The following FARS2 variants were observed in gnomAD, a reference collection of about 807,000 sequenced individuals.
The protein encoded by FARS2 is phenylalanyl-tRNA synthetase 2, mitochondrial.
FARS2 carries 40 observed loss-of-function variants against 46.4 expected under a neutral mutation model. The ratio of observed to expected loss-of-function variants is 0.86; its 90% CI spans 0.67 to 1.12. FARS2 has a LOEUF of 1.12. Among genes scored for constraint, FARS2 ranks in the 50% most tolerant of loss-of-function variants. The pLI, the probability that FARS2 is intolerant of heterozygous loss-of-function variation, is 0.00. For missense variants in FARS2, 513 were observed against 567.9 expected, an observed-to-expected ratio of 0.90 and a Z score of 0.98; for synonymous variants, 234 against 214.9, an observed-to-expected ratio of 1.09 and a Z score of -0.78.
At chr6:5,762,805 T>C (rs1160782012) in intron 6 of FARS2, among the ~76,000 whole-genome samples, 1 of 152,084 alleles carries the variant, frequency 6.6e-6, no homozygotes, top group African/African-American at 2.4e-5. Flanking sequence ...TGTGACTGAC[T>C]CTGAGGAACA....
intron 6 of FARS2, among the ~76,000 whole-genome samples, chr6:5,768,587 G>A (rs752145143): frequency 1.3e-5 from 2 of 152,276 alleles, no homozygotes; most frequent in Non-Finnish European, 2.9e-5. Flanking sequence ...AATTTGCAGA[G>A]TCCTGTCAAT....
chr6:5,290,998 G>A, intron 1 of FARS2: 1 of 152,264 alleles, frequency 6.6e-6, no homozygotes, highest in East Asian at 1.9e-4. Flanking sequence ...GGGATTACAG[G>A]TGTGAGCCAC....
At chr6:5,336,574 AG>A (rs1293882691) in intron 1 of FARS2, among the ~76,000 whole-genome samples, 2 of 152,172 alleles carry the variant, frequency 1.3e-5, no homozygotes, top group African/African-American at 4.8e-5. Flanking sequence ...GTTTTGATAC[AG>A]GCATGCAATG....
rs114783029 is a variant in FARS2, at chr6:5,683,794, C to T, written c.1217+70474C>T. On this transcript the variant is annotated intron_variant, in intron 6 of 6. Transcript: ENST00000274680. ...TTGCCCTCTACCTCTCGACAGGCCC[C>T]GGTATGTGATGTTCCCCTTCCTGTG... 6.9e-3 allele frequency among the ~76,000 whole-genome samples: 1,057 copies of T among 152,098 alleles called. 11 individuals are homozygous for T. The highest frequency in any genetic ancestry group is 0.025 in the African/African-American group (1,017 of 41,448).
intron 3 of FARS2, among the ~76,000 whole-genome samples, chr6:5,428,050 T>C (rs188250293): frequency 1.4e-4 from 21 of 152,322 alleles, no homozygotes; most frequent in African/African-American, 5.1e-4. Context: ...CTCTAGTGGG[T>C]GTGTGTAAAC....
Position 5,663,324 on chromosome 6 carries a change from A to G in FARS2, c.1217+50004A>G, listed in dbSNP as rs144858757. Among the ~76,000 whole-genome samples, 49 of 152,346 alleles carry G rather than the reference A, an allele frequency of 3.2e-4. 1 individual carries two copies. Among genetic ancestry groups the G allele is most frequent in the African/African-American group, 1.1e-3 (44 of 41,580 alleles). On this transcript the variant is annotated intron_variant, in intron 6 of 6. Coordinates refer to ENST00000274680, the MANE Select transcript of FARS2 (RefSeq NM_006567.5). Reference sequence around the variant, plus strand: ...TCTTTCCTTTTCAGCTGTTTTAAACATTTAGCAGTCAGATCAGATGATTGA... The same window carrying G: ...TCTTTCCTTTTCAGCTGTTTTAAACGTTTAGCAGTCAGATCAGATGATTGA...
chr6:5,662,655 A>G (rs769314941), intron 6 of FARS2, among the ~76,000 whole-genome samples: 4 of 152,208 alleles, frequency 2.6e-5, no homozygotes, highest in Non-Finnish European at 4.4e-5. Context: ...AATTATCAAA[A>G]CTATAATTAT....
At chr6:5,253,640 C>T in the FARS2 span, among the ~76,000 whole-genome samples, 1 of 151,994 alleles carries the variant, frequency 6.6e-6, no homozygotes, top group Non-Finnish European at 1.5e-5. Context: ...GAGACGAGAG[C>T]CTTGAAGATG....
At chr6:5,663,233 C>G (rs769676150) in intron 6 of FARS2, among the ~76,000 whole-genome samples, 12 of 152,270 alleles carry the variant, frequency 7.9e-5, no homozygotes, top group Non-Finnish European at 1.3e-4. Flanking sequence ...AAAAACAAGC[C>G]CCCCTGGCTA....
At chr6:5,389,321 GC>G (rs1248563242) in intron 2 of FARS2, among the ~76,000 whole-genome samples, 1 of 151,986 alleles carries the variant, frequency 6.6e-6, no homozygotes, top group Non-Finnish European at 1.5e-5. Context: ...CCCCTCCCTT[GC>G]CATCTTCTCT....
chr6:5,713,995 T>C (rs1759340746), intron 6 of FARS2, among the ~76,000 whole-genome samples: 1 of 152,150 alleles, frequency 6.6e-6, no homozygotes, highest in South Asian at 2.1e-4. Flanking sequence ...ATAAATCAGT[T>C]TGGAAGCAAA....
intron 4 of FARS2, among the ~76,000 whole-genome samples, chr6:5,483,897 A>T (rs2150347807): frequency 6.6e-6 from 1 of 152,192 alleles, no homozygotes; most frequent in South Asian, 2.1e-4. Flanking sequence ...AGTAATTTGA[A>T]CGGATTCAGG....
At chr6:5,475,830 T>C (rs1311428070) in intron 4 of FARS2, among the ~76,000 whole-genome samples, 1 of 152,032 alleles carries the variant, frequency 6.6e-6, no homozygotes, top group African/African-American at 2.4e-5. Flanking sequence ...CCAATTCCCC[T>C]CTCTGTGTCC....
At chr6:5,467,578 A>G (rs974865911) in intron 4 of FARS2, among the ~76,000 whole-genome samples, 7 of 152,194 alleles carry the variant, frequency 4.6e-5, no homozygotes, top group Non-Finnish European at 1.0e-4. Flanking sequence ...GGCTTTCCAT[A>G]CTGACAGTAC....
At chr6:5,273,323 C>T (rs1766097436) in intron 1 of FARS2, among the ~76,000 whole-genome samples, 1 of 152,116 alleles carries the variant, frequency 6.6e-6, no homozygotes, top group Admixed American at 6.5e-5. Flanking sequence ...ACATCTGTGC[C>T]GGCATCTTTT....
In FARS2 at chr6:5,458,982, AT is replaced by A. The variant is rs1395690111; in HGVS notation, c.904+27812del. Among the ~76,000 whole-genome samples the A allele has an allele frequency of 2.7e-4, 41 of 152,330 alleles. No homozygotes were observed. The Middle Eastern group carries it at 0.01, about 38-fold the overall frequency. ...TCTTTTGTTCTCTCAGATGCATTCC[AT>A]TAAAATTAAAGCATGAAATATATTA... On this transcript the variant is annotated intron_variant, in intron 4 of 6. Coordinates refer to ENST00000274680, the MANE Select transcript of FARS2 (RefSeq NM_006567.5).
intron 1 of FARS2, among the ~76,000 whole-genome samples, chr6:5,327,358 G>T (rs1189703403): frequency 6.6e-6 from 1 of 152,180 alleles, no homozygotes; most frequent in Non-Finnish European, 1.5e-5. Flanking sequence ...AAGCTTGCCT[G>T]ATATGGTTGG....
intron 6 of FARS2, among the ~76,000 whole-genome samples, chr6:5,681,582 C>G (rs2150834579): frequency 6.6e-6 from 1 of 152,284 alleles, no homozygotes; most frequent in Non-Finnish European, 1.5e-5. Context: ...GAAAATCACT[C>G]CTTTGCAGCA....
chr6:5,478,286 A>G (rs909308642), intron 4 of FARS2, among the ~76,000 whole-genome samples: 2 of 152,186 alleles, frequency 1.3e-5, no homozygotes, highest in African/African-American at 2.4e-5. Context: ...GCTTTTTCCA[A>G]TTCTAGATAA....
Sources: gnomAD v4.1 joint callset for allele counts (sites outside exome capture counted in the v4.1 genomes callset) on GRCh38, gnomAD v4.1.1 for gene constraint, MANE v1.5 for transcripts, NCBI Gene and HGNC (gene_info 2026-07-23, HGNC 2026-07-21) for gene names.